The following DMD variants were observed in gnomAD, a reference collection of about 807,000 sequenced individuals.
The protein encoded by DMD is dystrophin, also known as mutant dystrophin.
Under a neutral mutation model 330.1 loss-of-function variants are expected in DMD, and 63 were observed. The ratio of observed to expected loss-of-function variants is 0.19; its 90% CI spans 0.16 to 0.24. The LOEUF is 0.24. Among genes scored for constraint, DMD ranks in the 10% least tolerant of loss-of-function variants. The pLI is 1.00. For missense variants in DMD, 3,344 were observed against 2,684.1 expected, an observed-to-expected ratio of 1.25 and a Z score of -5.43; for synonymous variants, 1,223 against 959.8, an observed-to-expected ratio of 1.27 and a Z score of -5.07.
chrX:31,212,168 G>GTA (rs1254575797), intron 64 of DMD, among the ~76,000 whole-genome samples: 2 of 79,204 alleles, frequency 2.5e-5, no homozygotes, highest in Non-Finnish European at 4.8e-5. Flanking sequence ...ATATATATAT[G>GTA]TGTGTGTGTA....
At chrX:32,442,034 T>G (rs954373145) in intron 27 of DMD, among the ~76,000 whole-genome samples, 1 of 110,962 alleles carries the variant, frequency 9.0e-6, no homozygotes, top group African/African-American at 3.3e-5. Context: ...TGAAACTGAT[T>G]TATACACAGA....
At chrX:32,373,232 T>A (rs2097886971) in intron 34 of DMD, among the ~76,000 whole-genome samples, 2 of 108,281 alleles carry the variant, frequency 1.8e-5, no homozygotes, top group East Asian at 5.8e-4. Flanking sequence ...CTTAGATGAA[T>A]CATTCTATTT....
chrX:32,486,695 C>T lies in DMD; in HGVS notation c.2623-1596G>A, dbSNP rs777248442. On this transcript the variant is annotated intron_variant, in intron 20 of 78. Transcript: ENST00000357033. Reference sequence around the variant, plus strand: ...AGAACAGAGCCCTCAGAAATAACGCCGCATACCTACAACTATCTGATCTTT... The same window carrying T: ...AGAACAGAGCCCTCAGAAATAACGCTGCATACCTACAACTATCTGATCTTT... 3.0e-3 allele frequency among the ~76,000 whole-genome samples: 315 copies of T among 105,519 alleles called. 3 individuals carry two copies. The highest frequency in any genetic ancestry group is 8.0e-3 in the African/African-American group (233 of 29,128). The allele number at this position is 105,519 out of a possible 115,157, so 91.6% of individuals were successfully genotyped here. A position where few individuals can be genotyped will look rare whatever the true frequency, so the allele number is the denominator to read the frequency against.
intron 1 of DMD, among the ~76,000 whole-genome samples, chrX:33,039,235 A>G: frequency 9.0e-6 from 1 of 111,281 alleles, no homozygotes; most frequent in East Asian, 2.8e-4. Flanking sequence ...CCCTGCTTCC[A>G]TGTTTCAACT....
intron 7 of DMD, among the ~76,000 whole-genome samples, chrX:32,777,276 T>TGG (rs1373161447): frequency 0.014 from 7 of 504 alleles, no homozygotes; most frequent in African/African-American, 0.018. Flanking sequence ...TGGTTTCTGG[T>TGG]TGGGGGGGGA....
chrX:32,395,262 G>C (rs984500150), intron 30 of DMD, among the ~76,000 whole-genome samples: 1 of 111,813 alleles, frequency 8.9e-6, no homozygotes, highest in East Asian at 2.8e-4. Context: ...AAATCGTTCA[G>C]CTTCTACTAC....
chrX:33,221,330 G>A (rs1425844794), intron 1 of DMD, among the ~76,000 whole-genome samples: 1 of 111,164 alleles, frequency 9.0e-6, no homozygotes, highest in Non-Finnish European at 1.9e-5. Flanking sequence ...GAAGACTTTC[G>A]TCTCAGAGAG....
At chrX:31,800,704 T>C (rs997851914) in intron 50 of DMD, among the ~76,000 whole-genome samples, 2 of 112,473 alleles carry the variant, frequency 1.8e-5, no homozygotes, top group African/African-American at 6.5e-5. Flanking sequence ...CAAACTTTGA[T>C]GCTCTGCTTC....
chrX:32,404,030 T>G (rs1299230026), intron 30 of DMD, among the ~76,000 whole-genome samples: 4 of 112,148 alleles, frequency 3.6e-5, no homozygotes, highest in Admixed American at 9.5e-5. Context: ...CTCAATCTGA[T>G]AGACCAAAAT....
At chrX:31,483,349 A>T (rs1376171980) in intron 57 of DMD, among the ~76,000 whole-genome samples, 1 of 111,850 alleles carries the variant, frequency 8.9e-6, no homozygotes. Context: ...CCCGGCCGGA[A>T]ATGGATCTTA....
At chrX:32,675,730 G>C (rs2061923017) in intron 9 of DMD, among the ~76,000 whole-genome samples, 1 of 111,512 alleles carries the variant, frequency 9.0e-6, no homozygotes, top group African/African-American at 3.2e-5. Flanking sequence ...GCATAACTGT[G>C]CACAGATTTC....
chrX:31,337,674 A>G (rs924287873), intron 61 of DMD, among the ~76,000 whole-genome samples: 9 of 111,991 alleles, frequency 8.0e-5, no homozygotes, highest in Non-Finnish European at 1.5e-4. Context: ...GTAGTGTAAA[A>G]ATACACCCTT....
At chrX:33,078,622 G>C (rs2094879839) in intron 1 of DMD, among the ~76,000 whole-genome samples, 1 of 111,614 alleles carries the variant, frequency 9.0e-6, no homozygotes, top group Non-Finnish European at 1.9e-5. Context: ...TCTATTCCAA[G>C]AGCATAATTT....
At chrX:32,058,902 A>C (rs2096202130) in intron 44 of DMD, among the ~76,000 whole-genome samples, 2 of 111,754 alleles carry the variant, frequency 1.8e-5, no homozygotes, top group Admixed American at 1.9e-4. Flanking sequence ...ACAATGGAAT[A>C]TCATTCTGCC....
chrX:32,020,753 A>T (rs1364946902), intron 44 of DMD, among the ~76,000 whole-genome samples: 1 of 112,455 alleles, frequency 8.9e-6, no homozygotes, highest in East Asian at 2.8e-4. Context: ...TAAGTCATGG[A>T]TATTTTGAAA....
At chrX:32,844,902 AC>A in intron 3 of DMD, 42 bp from the exon 4 acceptor site, 8 of 1,029,535 alleles carry the variant, frequency 7.8e-6, no homozygotes, top group Non-Finnish European at 1.1e-5. Context: ...CAGCAGAGAG[AC>A]CGACAATCTA....
chrX:31,365,284 C>G (rs1050061146), intron 60 of DMD, among the ~76,000 whole-genome samples: 5 of 110,637 alleles, frequency 4.5e-5, no homozygotes, highest in African/African-American at 1.6e-4. Flanking sequence ...TTGATTTGAA[C>G]CAACCTCTCA....
chrX:33,248,909 T>G (rs1020651853), intron 1 of DMD, among the ~76,000 whole-genome samples: 2 of 112,364 alleles, frequency 1.8e-5, no homozygotes, highest in African/African-American at 6.5e-5. Flanking sequence ...AAATTATTTT[T>G]GGTATATAGT....
At chrX:31,818,446 G>A (rs186046667) in intron 50 of DMD, among the ~76,000 whole-genome samples, 9 of 110,969 alleles carry the variant, frequency 8.1e-5, no homozygotes, top group Admixed American at 3.9e-4. Flanking sequence ...GGATTTCGGC[G>A]CCCTGGTTTT....
Sources: allele counts gnomAD v4.1 joint callset (sites outside exome capture counted in the v4.1 genomes callset), GRCh38; gene constraint gnomAD v4.1.1; transcripts MANE v1.5; gene names NCBI Gene and HGNC (gene_info 2026-07-23, HGNC 2026-07-21).